The following PRKCQ variants were observed in gnomAD, a reference collection of about 807,000 sequenced individuals.
PRKCQ encodes protein kinase C theta, also known as protein kinase C theta type.
PRKCQ carries 41 observed loss-of-function variants against 91.2 expected under a neutral mutation model. The ratio of observed to expected loss-of-function variants is 0.45; its 90% CI spans 0.35 to 0.58. The LOEUF (loss-of-function observed/expected upper bound fraction) is 0.58. PRKCQ is among the 20% of genes least tolerant of loss of function. The pLI is 0.00. For synonymous variants in PRKCQ, 307 were observed against 316.9 expected, an observed-to-expected ratio of 0.97 and a Z score of 0.33; for missense variants, 673 against 896.5, an observed-to-expected ratio of 0.75 and a Z score of 3.18.
intron 1 of PRKCQ, among the ~76,000 whole-genome samples, chr10:6,553,506 A>ATAAAAAT (rs764566256): frequency 1.4e-5 from 1 of 73,102 alleles, no homozygotes; most frequent in East Asian, 3.0e-4. Context: ...AAAAAAAAAA[A>ATAAAAAT]AAAAAAAAAA....
intron 11 of PRKCQ, among the ~76,000 whole-genome samples, chr10:6,481,970 T>A (rs1487688102): frequency 4.6e-5 from 7 of 151,746 alleles, no homozygotes; most frequent in Non-Finnish European, 1.0e-4. Flanking sequence ...TCTTAAATTA[T>A]CTCTTCTTCC....
At chr10:6,567,054 GAA>G (rs1840861397) in intron 1 of PRKCQ, among the ~76,000 whole-genome samples, 1 of 152,160 alleles carries the variant, frequency 6.6e-6, no homozygotes, top group Non-Finnish European at 1.5e-5. Context: ...GTTAAAGAGA[GAA>G]AGAGAAAGAG....
chr10:6,420,317 C>T, the PRKCQ span, among the ~76,000 whole-genome samples: 1 of 152,182 alleles, frequency 6.6e-6, no homozygotes, highest in Admixed American at 6.5e-5. Flanking sequence ...CCTAAGGGAG[C>T]TGCTTTGTGT....
chr10:6,510,611 A>C (rs574108775), intron 3 of PRKCQ, among the ~76,000 whole-genome samples: 2 of 152,338 alleles, frequency 1.3e-5, no homozygotes, highest in East Asian at 3.9e-4. Context: ...ATCTTGATTA[A>C]GTTTTATATA....
At chr10:6,567,520 C>T (rs897444423) in intron 1 of PRKCQ, among the ~76,000 whole-genome samples, 1 of 152,064 alleles carries the variant, frequency 6.6e-6, no homozygotes, top group Non-Finnish European at 1.5e-5. Flanking sequence ...CTTATCTGAC[C>T]CTGTGCTTAC....
chr10:6,479,647 C>T (rs1970926), intron 11 of PRKCQ, among the ~76,000 whole-genome samples: 45,339 of 151,218 alleles, frequency 0.3, 7,162 homozygotes, highest in South Asian at 0.44. Context: ...AAATAAACAC[C>T]GGCCAGGTGC....
At chr10:6,511,218 C>T (rs759469856) in intron 2 of PRKCQ, 24 bp from the exon 3 acceptor site, 1 of 1,606,614 alleles carries the variant, frequency 6.2e-7, no homozygotes, top group South Asian at 1.1e-5. Context: ...CGTAAGGTCT[C>T]ATTATTCCTT....
chr10:6,502,948 T>C (rs1237702697), intron 4 of PRKCQ, among the ~76,000 whole-genome samples: 1 of 152,248 alleles, frequency 6.6e-6, no homozygotes. Flanking sequence ...AGAGGTCTGC[T>C]AAGAAGCCAA....
chr10:6,532,275 G>T (rs1208384743), intron 1 of PRKCQ, among the ~76,000 whole-genome samples: 1 of 152,140 alleles, frequency 6.6e-6, no homozygotes, highest in Non-Finnish European at 1.5e-5. Context: ...TTCATCATAT[G>T]CATATAATAT....
the PRKCQ span, among the ~76,000 whole-genome samples, chr10:6,414,875 G>A: frequency 1.9e-4 from 29 of 151,916 alleles, 1 homozygote; most frequent in East Asian, 4.6e-3. Context: ...TGCAATTGGA[G>A]ACCCAAAGGA....
At chr10:6,401,647 G>T in the PRKCQ span, among the ~76,000 whole-genome samples, 1 of 152,090 alleles carries the variant, frequency 6.6e-6, no homozygotes, top group Non-Finnish European at 1.5e-5. Flanking sequence ...GGATTGCGGG[G>T]CCAGGGCACT....
At chr10:6,479,604 A>T (rs1836465041) in intron 11 of PRKCQ, among the ~76,000 whole-genome samples, 1 of 151,962 alleles carries the variant, frequency 6.6e-6, no homozygotes, top group Non-Finnish European at 1.5e-5. Context: ...CAAAAGAAGA[A>T]TGGAGGGATA....
At chr10:6,478,194 G>C (rs534117214) in intron 12 of PRKCQ, among the ~76,000 whole-genome samples, 11 of 152,334 alleles carry the variant, frequency 7.2e-5, no homozygotes, top group Non-Finnish European at 1.6e-4. Context: ...AACAAATGCA[G>C]AGTACAGTGC....
chr10:6,507,401 C>T, intron 4 of PRKCQ, 35 bp downstream of exon 4: 2 of 1,588,226 alleles, frequency 1.3e-6, no homozygotes, highest in African/African-American at 1.3e-5. Flanking sequence ...CCATGCCCTC[C>T]TCACCCCCAA....
At chr10:6,422,447 C>G (rs1016004414), downstream of PRKCQ, among the ~76,000 whole-genome samples, 3 of 152,142 alleles carry the variant, frequency 2.0e-5, no homozygotes, top group Non-Finnish European at 4.4e-5. Flanking sequence ...CTTGCTGTCC[C>G]TCCCCTTATG....
At chr10:6,476,260 G>A (rs1030856882) in intron 12 of PRKCQ, among the ~76,000 whole-genome samples, 7 of 150,838 alleles carry the variant, frequency 4.6e-5, no homozygotes, top group African/African-American at 1.7e-4. Flanking sequence ...TCTACAAAGT[G>A]GGATTCCCAA....
At chr10:6,543,208 G>T (rs867325752) in intron 1 of PRKCQ, among the ~76,000 whole-genome samples, 1 of 152,180 alleles carries the variant, frequency 6.6e-6, no homozygotes, top group Non-Finnish European at 1.5e-5. Flanking sequence ...TCAGTAATTG[G>T]TGAGCACACA....
At chr10:6,545,878 C>T (rs1286833640) in intron 1 of PRKCQ, among the ~76,000 whole-genome samples, 1 of 152,062 alleles carries the variant, frequency 6.6e-6, no homozygotes, top group Non-Finnish European at 1.5e-5. Flanking sequence ...TGGTGTGTGC[C>T]TGTAATCCCA....
At chr10:6,433,827 T>C (rs540895745) in intron 16 of PRKCQ, among the ~76,000 whole-genome samples, 20 of 152,046 alleles carry the variant, frequency 1.3e-4, no homozygotes, top group Admixed American at 5.2e-4. Context: ...GGTCAGGAGT[T>C]TGAGACCAGC....
Sources: gnomAD v4.1 joint callset for allele counts (sites outside exome capture counted in the v4.1 genomes callset) on GRCh38, gnomAD v4.1.1 for gene constraint, MANE v1.5 for transcripts, NCBI Gene and HGNC (gene_info 2026-07-23, HGNC 2026-07-21) for gene names.